Variants in TBXAS1 observed in about 807,000 individuals in gnomAD.
TBXAS1 encodes the protein thromboxane A synthase 1, also known as thromboxane-A synthase.
TBXAS1 carries 48 observed loss-of-function variants against 60.7 expected under a neutral mutation model. That is an observed-to-expected ratio of 0.79 (90% CI 0.63 to 1.01). The LOEUF (loss-of-function observed/expected upper bound fraction) is 1.01, where lower values mean the gene tolerates loss of function less well. Ranked by LOEUF, TBXAS1 falls within the 50% of genes least tolerant of loss-of-function variation. The pLI is 0.00. For missense variants in TBXAS1, 685 were observed against 686.3 expected (o/e 1.00, Z 0.02); for synonymous variants, 287 against 269.7 (o/e 1.06, Z -0.63).
intron 10 of TBXAS1, 142 bp downstream of exon 10, chr7:140,007,324 C>T (rs1411799945): frequency 1.4e-6 from 1 of 731,080 alleles, no homozygotes; most frequent in Non-Finnish European, 2.4e-6. Flanking sequence ...TCCTTTGTAT[C>T]CCCATGGCAC....
Position 139,847,522 on chromosome 7 carries a change from T to TAACC in TBXAS1, c.89+18066_89+18069dup, listed in dbSNP as rs965268606. ...AAAACAAACAACTGAGCCAGCCAAC[T>TAACC]AACCAACCAACCAACCAACCAACCA... On this transcript the variant is annotated intron_variant, in intron 1 of 12. Coordinates refer to ENST00000448866, the MANE Select transcript of TBXAS1 (RefSeq NM_001061.7). 1.1e-3 allele frequency among the ~76,000 whole-genome samples: 161 copies of TAACC among 152,122 alleles called. 1 individual carries two copies. The highest frequency in any genetic ancestry group is 1.4e-3 in the Non-Finnish European group (96 of 67,952).
Position 139,951,964 on chromosome 7 carries a change from AAG to A in TBXAS1, c.451-1402_451-1401del, listed in dbSNP as rs1400337789. ...AGGAAAGAAAGAAAAGAAAGAAAGAAAGAAAGAAAGAAAGAAAGAAAGAAAGA... is the reference window on the plus strand; with the variant it reads ...AGGAAAGAAAGAAAAGAAAGAAAGAAAAAGAAAGAAAGAAAGAAAGAAAGA... On this transcript the variant is annotated intron_variant, in intron 5 of 12. Transcript: ENST00000448866. 1.0e-3 allele frequency among the ~76,000 whole-genome samples: 137 copies of A among 134,578 alleles called. 3 individuals carry two copies. The highest frequency in any genetic ancestry group is 7.6e-3 in the Middle Eastern group (2 of 262). 88.3% of individuals were successfully genotyped at this position (134,578 alleles called of 152,430 possible).
intron 1 of TBXAS1, among the ~76,000 whole-genome samples, chr7:139,832,646 G>A (rs565976266): frequency 1.1e-4 from 16 of 152,250 alleles, no homozygotes; most frequent in East Asian, 5.8e-4. Flanking sequence ...TCTTTGCCTA[G>A]GCACATTGTC....
chr7:139,939,680 A>G (rs1227057976), intron 5 of TBXAS1, among the ~76,000 whole-genome samples: 3 of 151,952 alleles, frequency 2.0e-5, no homozygotes, highest in African/African-American at 4.8e-5. Context: ...GGGAAGAAAG[A>G]TGGTCTTCAA....
intron 10 of TBXAS1, among the ~76,000 whole-genome samples, 192 bp from the exon 11 acceptor site, chr7:140,015,531 G>A (rs41275024): frequency 0.062 from 9,407 of 152,212 alleles, 385 homozygotes; most frequent in Non-Finnish European, 0.09. Context: ...GGCAGTGAGT[G>A]GTAATGGGGT....
In TBXAS1 at chr7:139,999,060, G is replaced by C. The variant is rs543768196; in HGVS notation, c.1135-8031G>C. Among the ~76,000 whole-genome samples the C allele has an allele frequency of 7.9e-5, 12 of 152,360 alleles. No individual in the cohort carries two copies. In the South Asian group the frequency reaches 2.5e-3, roughly 32 times the overall value. ...TTCTGGGCATTGGCCAGGGAAGCCA[G>C]CAATGTGGATGGAAAGATTTATCAC... On this transcript the variant is annotated intron_variant, in intron 9 of 12. Transcript: ENST00000448866. This position sits in a 1 kb window ranked among gnomAD's most constrained non-coding sequence, Gnocchi z 4.3.
At chr7:139,952,747 A>C in intron 5 of TBXAS1, 1 of 1,464,430 alleles carries the variant, frequency 6.8e-7, no homozygotes, top group Non-Finnish European at 9.0e-7. Context: ...GAAACCCAAC[A>C]ATTGCCCCAT....
In TBXAS1 at chr7:139,955,495, C is replaced by G. The variant is rs757190665; in HGVS notation, c.576C>G (p.Ser192Arg). The change falls in exon 7 of 13, where the codon AGC (serine) becomes AGG (arginine). Residue 192 changes from serine (S) to arginine (R), a missense_variant. Ser to Arg is a moderately radical substitution (Grantham distance 110, BLOSUM62 -1). Transcript: ENST00000448866. ...YCNYTTDVVA[S>R]VAFGTPVDSW... The stretch of plus-strand genomic sequence containing the variant: ...ATTACACCACAGATGTGGTTGCCAG[C>G]GTCGCCTTTGGCACCCCGGTGGACT... 6.2e-7 allele frequency: 1 copy of G among 1,614,228 alleles called. No homozygotes were observed. The highest frequency in any genetic ancestry group is 1.7e-5 in the Admixed American group (1 of 60,032).
chr7:139,905,039 C>CTTTCTTTCTTTCTTTCTTT, intron 3 of TBXAS1, among the ~76,000 whole-genome samples: 1 of 86,564 alleles, frequency 1.2e-5, no homozygotes, highest in African/African-American at 5.8e-5. Flanking sequence ...TTCTTTCTTT[C>CTTTCTTTCTTTCTTTCTTT]TTTCTTTCTT....
intron 9 of TBXAS1, among the ~76,000 whole-genome samples, chr7:139,972,384 A>T (rs1811268228): frequency 1.3e-5 from 2 of 152,246 alleles, no homozygotes; most frequent in Admixed American, 6.5e-5. Flanking sequence ...TGGGAAAGTC[A>T]GCTCCACAGG....
chr7:139,831,225 A>G (rs1798679831), intron 1 of TBXAS1, among the ~76,000 whole-genome samples: 1 of 152,144 alleles, frequency 6.6e-6, no homozygotes, highest in Non-Finnish European at 1.5e-5. Flanking sequence ...CTGGATGTCT[A>G]GAGAGGATAC....
intron 5 of TBXAS1, among the ~76,000 whole-genome samples, chr7:139,948,923 G>A (rs1808973058): frequency 6.6e-6 from 1 of 152,168 alleles, no homozygotes; most frequent in Non-Finnish European, 1.5e-5. Context: ...GATTATGCTC[G>A]GCTGTCTTAT....
rs939860478 is a variant in TBXAS1, at chr7:139,999,585, G to A, written c.1135-7506G>A. ...TGGTTTATGGTCAGAAGGGCAAAGCGAAGGTCACCCCATTTTCCACGGCTT... is the reference window on the plus strand; with the variant it reads ...TGGTTTATGGTCAGAAGGGCAAAGCAAAGGTCACCCCATTTTCCACGGCTT... On this transcript the variant is annotated intron_variant, in intron 9 of 12. Coordinates refer to ENST00000448866, the MANE Select transcript of TBXAS1 (RefSeq NM_001061.7). The surrounding 1 kb of genome is among the most constrained non-coding windows in gnomAD (Gnocchi z 4.3). Among the ~76,000 whole-genome samples, 2 of 152,202 alleles carry A rather than the reference G, an allele frequency of 1.3e-5. No individual in the cohort carries two copies. The highest frequency in any genetic ancestry group is 2.9e-5 in the Non-Finnish European group (2 of 68,034).
At chr7:139,878,178 G>A (rs1802401161) in intron 3 of TBXAS1, among the ~76,000 whole-genome samples, 1 of 147,804 alleles carries the variant, frequency 6.8e-6, no homozygotes, top group African/African-American at 2.5e-5. Flanking sequence ...AGAGAGAAAA[G>A]GAGAGAGAAA....
At chr7:139,892,913 C>T (rs1803754066) in intron 3 of TBXAS1, among the ~76,000 whole-genome samples, 1 of 152,160 alleles carries the variant, frequency 6.6e-6, no homozygotes, top group Admixed American at 6.5e-5. Flanking sequence ...GGAGACAGCA[C>T]ACATCATCCA....
At chr7:139,893,328 A>G (rs1233364540) in intron 3 of TBXAS1, among the ~76,000 whole-genome samples, 1 of 121,866 alleles carries the variant, frequency 8.2e-6, no homozygotes, top group Non-Finnish European at 1.7e-5. Context: ...TGGAATAGAC[A>G]CACACACACA....
intron 9 of TBXAS1, among the ~76,000 whole-genome samples, chr7:139,995,115 T>A (rs1377868811): frequency 1.3e-5 from 2 of 151,824 alleles, no homozygotes; most frequent in African/African-American, 4.8e-5. Context: ...TACAAACACA[T>A]CTCGTATTCT....
intron 1 of TBXAS1, among the ~76,000 whole-genome samples, chr7:139,779,095 C>T (rs1347633647): frequency 6.6e-6 from 1 of 152,200 alleles, no homozygotes; most frequent in African/African-American, 2.4e-5. Flanking sequence ...GACAAGTGTA[C>T]TGGACCATGA....
chr7:139,864,186 A>T (rs1373262261), intron 1 of TBXAS1, among the ~76,000 whole-genome samples: 1 of 152,154 alleles, frequency 6.6e-6, no homozygotes, highest in Non-Finnish European at 1.5e-5. Context: ...GAAATTCCAC[A>T]TGTAAACCAA....
Sources: gnomAD v4.1 joint callset for allele counts (sites outside exome capture counted in the v4.1 genomes callset) on GRCh38, gnomAD v4.1.1 for gene constraint, Gnocchi (gnomAD v3.1) non-coding constraint, MANE v1.5 for transcripts, NCBI Gene and HGNC (gene_info 2026-07-23, HGNC 2026-07-21) for gene names.